Variants in GAREM1 observed in about 807,000 individuals in gnomAD.
GAREM1 encodes the protein GRB2-associated and regulator of MAPK protein 1.
GAREM1 carries 26 observed loss-of-function variants against 71.3 expected under a neutral mutation model. The observed-to-expected ratio is 0.36, with a 90% CI of 0.27 to 0.51. The LOEUF (loss-of-function observed/expected upper bound fraction) is 0.51, where lower values mean the gene tolerates loss of function less well. Ranked by LOEUF, GAREM1 falls within the 20% of genes least tolerant of loss-of-function variation. The pLI, the probability that GAREM1 is intolerant of heterozygous loss-of-function variation, is 0.95. For synonymous variants in GAREM1, 440 were observed against 433.2 expected (o/e 1.02, Z -0.20); for missense variants, 1,026 against 1,103.1 (o/e 0.93, Z 0.99).
At chr18:32,317,438 C>T (rs950278408) in intron 2 of GAREM1, among the ~76,000 whole-genome samples, 1 of 150,668 alleles carries the variant, frequency 6.6e-6, no homozygotes, top group Non-Finnish European at 1.5e-5. Context: ...GAAAGTGACT[C>T]GTCCTTTTAT....
At chr18:32,440,843 T>C (rs2048729138) in intron 1 of GAREM1, among the ~76,000 whole-genome samples, 1 of 152,244 alleles carries the variant, frequency 6.6e-6, no homozygotes, top group Non-Finnish European at 1.5e-5. Context: ...AGAACTCAAC[T>C]GTGAATGGAA....
chr18:32,358,972 G>A (rs1176002319), intron 2 of GAREM1, among the ~76,000 whole-genome samples: 2 of 152,196 alleles, frequency 1.3e-5, no homozygotes, highest in South Asian at 2.1e-4. Context: ...TTCACTGCAC[G>A]GGATGCTCAC....
intron 3 of GAREM1, among the ~76,000 whole-genome samples, chr18:32,299,776 C>T (rs775914472): frequency 8.5e-5 from 13 of 152,084 alleles, no homozygotes; most frequent in Non-Finnish European, 1.8e-4. Context: ...TGCCAATTTA[C>T]AGCCTTAGCA....
intron 2 of GAREM1, among the ~76,000 whole-genome samples, chr18:32,359,737 T>C (rs533738588): frequency 6.6e-6 from 1 of 152,184 alleles, no homozygotes; most frequent in Non-Finnish European, 1.5e-5. Context: ...CCTGTGCAAC[T>C]TAGCAAGAGT....
chr18:32,413,916 A>T (rs1568001925), intron 1 of GAREM1, among the ~76,000 whole-genome samples: 1 of 152,154 alleles, frequency 6.6e-6, no homozygotes, highest in East Asian at 1.9e-4. Flanking sequence ...TCTGGGGCAA[A>T]ATGTAACAAA....
At chr18:32,330,220 C>G (rs2047518360) in intron 2 of GAREM1, among the ~76,000 whole-genome samples, 1 of 152,132 alleles carries the variant, frequency 6.6e-6, no homozygotes, top group African/African-American at 2.4e-5. Context: ...AAGGATACAG[C>G]AAGAGGCTAT....
At position 32,267,718 on chromosome 18, in the gene GAREM1, C is replaced by T; in HGVS notation, c.*153G>A. On this transcript the variant is annotated 3_prime_UTR_variant, in exon 6 of 6. Transcript: ENST00000269209. ...ATTGATGTACAAAATAGCCTGTTCA[C>T]CATTCAAAAACGTAATCTGCATAGT... 1 of 618,752 alleles carries T rather than the reference C, an allele frequency of 1.6e-6. No individual in the cohort carries two copies. Among genetic ancestry groups the T allele is most frequent in the South Asian group, 2.1e-5 (1 of 46,524 alleles). The allele number at this position is 618,752 out of a possible 1,614,324, so 38.3% of individuals were successfully genotyped here.
At chr18:32,438,789 G>T in intron 1 of GAREM1, among the ~76,000 whole-genome samples, 1 of 152,164 alleles carries the variant, frequency 6.6e-6, no homozygotes, top group South Asian at 2.1e-4. Flanking sequence ...GGACTGCTAA[G>T]AAACATTTAA....
chr18:32,420,656 A>T (rs2048511020), intron 1 of GAREM1, among the ~76,000 whole-genome samples: 1 of 151,788 alleles, frequency 6.6e-6, no homozygotes, highest in African/African-American at 2.4e-5. Context: ...TCATGCCTGT[A>T]TTCCAATGTT....
At chr18:32,463,790 T>C (rs1382305826) in intron 1 of GAREM1, among the ~76,000 whole-genome samples, 2 of 151,684 alleles carry the variant, frequency 1.3e-5, no homozygotes, top group Non-Finnish European at 2.9e-5. Flanking sequence ...TGGATGATCT[T>C]GATCTCCTGA....
chr18:32,317,748 T>C, intron 2 of GAREM1, among the ~76,000 whole-genome samples: 1 of 151,616 alleles, frequency 6.6e-6, no homozygotes. Flanking sequence ...CAACGTTAAG[T>C]ACTCTGGGAA....
intron 2 of GAREM1, among the ~76,000 whole-genome samples, chr18:32,366,168 A>G (rs2047927033): frequency 2.0e-5 from 3 of 152,088 alleles, no homozygotes; most frequent in Admixed American, 6.5e-5. Context: ...CCTAGGACCC[A>G]GCAGAACATC....
intron 1 of GAREM1, among the ~76,000 whole-genome samples, chr18:32,425,769 T>C (rs767992649): frequency 1.9e-4 from 29 of 152,340 alleles, no homozygotes; most frequent in Non-Finnish European, 3.4e-4. Context: ...TCTTTTCATC[T>C]AATCTAAGTA....
intron 1 of GAREM1, among the ~76,000 whole-genome samples, chr18:32,430,622 TCTAA>T (rs2048614680): frequency 6.6e-6 from 1 of 152,184 alleles, no homozygotes; most frequent in Non-Finnish European, 1.5e-5. Context: ...TTCTGAAGAC[TCTAA>T]AAAGTACACA....
Position 32,427,148 on chromosome 18 carries a change from C to T in GAREM1, c.122-34113G>A, listed in dbSNP as rs76343589. Among the ~76,000 whole-genome samples the T allele has an allele frequency of 1.7e-3, 261 of 152,268 alleles. 1 individual carries two copies. The highest frequency in any genetic ancestry group is 6.1e-3 in the African/African-American group (253 of 41,546). ...AGCTCCAACTTTTGAGAGCCATATA[C>T]ATTTGCACTGCAAATCAATAAAAGA... On this transcript the variant is annotated intron_variant, in intron 1 of 5. Transcript: ENST00000269209.
chr18:32,393,021 C>T lies in GAREM1; in HGVS notation c.136G>A (p.Gly46Arg). 3 of 1,613,588 alleles carry T rather than the reference C, an allele frequency of 1.9e-6. No individual in the cohort carries two copies. Among genetic ancestry groups the T allele is most frequent in the Non-Finnish European group, 2.5e-6 (3 of 1,179,746 alleles). ...ARLDNGECVE[G>R]LRENDYLLIH... ...AGCAGATAGTCATTTTCCCGCAGCC[C>T]TTCTACGCACTCTCCTAGGAAATAC... Residue 46 changes from glycine to arginine, a missense_variant, in exon 2 of 6, where the codon GGG (glycine) becomes AGG (arginine). Physicochemically the swap from Gly to Arg is moderately radical, Grantham distance 125 (BLOSUM62 -2). Around this residue, in one of 3 missense-constraint regions of GAREM1, gnomAD observed 172 missense variants for 175.2 expected, o/e 0.98. Transcript: ENST00000269209.
chr18:32,452,853 GT>G (rs34771430), intron 1 of GAREM1, among the ~76,000 whole-genome samples: 20,739 of 147,182 alleles, frequency 0.14, 1,503 homozygotes, highest in South Asian at 0.17. Flanking sequence ...TAACTTCTAC[GT>G]TTTTTTTTTT....
At chr18:32,312,059 G>T (rs182527327) in intron 2 of GAREM1, among the ~76,000 whole-genome samples, 12 of 152,356 alleles carry the variant, frequency 7.9e-5, no homozygotes, top group African/African-American at 2.6e-4. Context: ...GCTTTGGAGG[G>T]TGAAGGGAGG....
At chr18:32,323,451 C>A (rs1410800238) in intron 2 of GAREM1, among the ~76,000 whole-genome samples, 1 of 152,190 alleles carries the variant, frequency 6.6e-6, no homozygotes, top group Non-Finnish European at 1.5e-5. Flanking sequence ...ATTGGCTGGG[C>A]ACAGTGGCTC....
Sources: gnomAD v4.1 joint callset for allele counts (sites outside exome capture counted in the v4.1 genomes callset) on GRCh38, gnomAD v4.1.1 for gene constraint, gnomAD v4.1.1 regional missense constraint, MANE v1.5 for transcripts, NCBI Gene and HGNC (gene_info 2026-07-23, HGNC 2026-07-21) for gene names.